The following CSMD3 variants were observed in gnomAD, a reference collection of about 807,000 sequenced individuals.
The protein encoded by CSMD3 is CUB and sushi domain-containing protein 3.
A neutral mutation model predicts 435.2 loss-of-function variants in CSMD3; 177 were observed. The observed-to-expected ratio is 0.41, with a 90% CI of 0.36 to 0.46. The LOEUF (loss-of-function observed/expected upper bound fraction) is 0.46, where lower values mean the gene tolerates loss of function less well. Among genes scored for constraint, CSMD3 ranks in the 20% least tolerant of loss-of-function variants. The probability of loss-of-function intolerance (pLI) is 0.34; values close to 1 mark genes in which losing one functional copy is unlikely to be tolerated. For missense variants in CSMD3, 4,265 were observed against 4,504.6 expected, an observed-to-expected ratio of 0.95 and a Z score of 1.52; for synonymous variants, 1,656 against 1,520.5, an observed-to-expected ratio of 1.09 and a Z score of -2.07.
chr8:112,500,777 T>A (rs1468896334), intron 30 of CSMD3, among the ~76,000 whole-genome samples: 2 of 152,108 alleles, frequency 1.3e-5, no homozygotes, highest in African/African-American at 2.4e-5. Flanking sequence ...GTTGTGCCCA[T>A]AGGAAAAGGC....
At chr8:112,616,077 G>A (rs543504770) in intron 22 of CSMD3, among the ~76,000 whole-genome samples, 2 of 152,142 alleles carry the variant, frequency 1.3e-5, no homozygotes, top group South Asian at 2.1e-4. Context: ...AAAGTGACTC[G>A]AGTCAGAATA....
intron 10 of CSMD3, among the ~76,000 whole-genome samples, chr8:112,884,219 C>G (rs148221508): frequency 6.6e-6 from 1 of 151,818 alleles, no homozygotes; most frequent in African/African-American, 2.4e-5. Context: ...AGACCTTATT[C>G]TCAGAGCAAA....
intron 22 of CSMD3, among the ~76,000 whole-genome samples, chr8:112,593,939 T>C (rs1471896759): frequency 3.3e-5 from 5 of 152,076 alleles, no homozygotes; most frequent in Admixed American, 2.0e-4. Flanking sequence ...TTTTGTTTTG[T>C]TTTTTGGTTA....
At chr8:112,549,979 T>G (rs1034056434) in intron 27 of CSMD3, among the ~76,000 whole-genome samples, 2 of 152,064 alleles carry the variant, frequency 1.3e-5, no homozygotes, top group African/African-American at 4.8e-5. Context: ...CTCAAAGAGA[T>G]AATGTGCATT....
chr8:113,208,286 G>C (rs960937028), intron 3 of CSMD3, among the ~76,000 whole-genome samples: 1 of 152,088 alleles, frequency 6.6e-6, no homozygotes, highest in African/African-American at 2.4e-5. Flanking sequence ...CGGGACCAGA[G>C]AATCAGACTT....
intron 7 of CSMD3, among the ~76,000 whole-genome samples, chr8:112,963,470 T>G (rs2084308529): frequency 6.6e-6 from 1 of 152,000 alleles, no homozygotes; most frequent in Admixed American, 6.6e-5. Flanking sequence ...TCTTAATTTT[T>G]TTATGACCAC....
At chr8:113,014,207 C>T (rs1223855183) in intron 6 of CSMD3, among the ~76,000 whole-genome samples, 1 of 152,100 alleles carries the variant, frequency 6.6e-6, no homozygotes, top group Non-Finnish European at 1.5e-5. Context: ...GTTACAGCAA[C>T]AATCAGAAGT....
intron 35 of CSMD3, among the ~76,000 whole-genome samples, chr8:112,399,282 A>G (rs1253409477): frequency 7.0e-6 from 1 of 143,820 alleles, no homozygotes; most frequent in Non-Finnish European, 1.5e-5. Flanking sequence ...TTTTTTTTAG[A>G]CAGAGTCTTG....
At chr8:112,519,235 C>G (rs747820690) in intron 27 of CSMD3, among the ~76,000 whole-genome samples, 5 of 152,106 alleles carry the variant, frequency 3.3e-5, no homozygotes, top group Non-Finnish European at 7.4e-5. Flanking sequence ...CCATTCATGC[C>G]TCCTTTTCCT....
chr8:112,705,730 T>C (rs1004530584), intron 13 of CSMD3, among the ~76,000 whole-genome samples: 1 of 152,078 alleles, frequency 6.6e-6, no homozygotes, highest in Non-Finnish European at 1.5e-5. Context: ...TTTAAAATTC[T>C]CTGGCACACA....
chr8:112,254,482 C>A (rs367854606), intron 62 of CSMD3, among the ~76,000 whole-genome samples, 156 bp from the exon 63 acceptor site: 1 of 151,900 alleles, frequency 6.6e-6, no homozygotes, highest in Non-Finnish European at 1.5e-5. Flanking sequence ...TGGACAGAAG[C>A]CTGTTAATCT....
At chr8:112,521,624 C>G (rs1244009224) in intron 27 of CSMD3, among the ~76,000 whole-genome samples, 2 of 151,742 alleles carry the variant, frequency 1.3e-5, no homozygotes, top group African/African-American at 2.4e-5. Flanking sequence ...CACTAAATAA[C>G]TTCATAAGTT....
At chr8:113,187,252 G>A (rs778053874) in intron 3 of CSMD3, among the ~76,000 whole-genome samples, 3 of 150,668 alleles carry the variant, frequency 2.0e-5, no homozygotes, top group African/African-American at 2.4e-5. Context: ...CATGTGATGC[G>A]AATCCAGTTT....
At chr8:113,396,504 C>T (rs1258670817) in intron 1 of CSMD3, among the ~76,000 whole-genome samples, 1 of 152,120 alleles carries the variant, frequency 6.6e-6, no homozygotes, top group Non-Finnish European at 1.5e-5. Context: ...TGTTAACTTA[C>T]ATTCCATTTA....
chr8:113,124,562 T>G (rs2091074571), intron 4 of CSMD3, among the ~76,000 whole-genome samples: 1 of 151,982 alleles, frequency 6.6e-6, no homozygotes, highest in Non-Finnish European at 1.5e-5. Context: ...TGCCAAGAAT[T>G]TCTTATTTCT....
intron 4 of CSMD3, among the ~76,000 whole-genome samples, chr8:113,107,640 GA>G (rs1049980970): frequency 2.0e-5 from 3 of 152,146 alleles, no homozygotes; most frequent in South Asian, 2.1e-4. Flanking sequence ...TGTATTTATT[GA>G]AAAACAAAAC....
At chr8:112,652,747 A>T (rs1041154967) in intron 18 of CSMD3, among the ~76,000 whole-genome samples, 1 of 152,234 alleles carries the variant, frequency 6.6e-6, no homozygotes, top group Non-Finnish European at 1.5e-5. Context: ...TGAGGAACTG[A>T]TATCAGTATT....
At chr8:112,383,918 T>C (rs1829707920) in intron 36 of CSMD3, among the ~76,000 whole-genome samples, 1 of 152,174 alleles carries the variant, frequency 6.6e-6, no homozygotes, top group Non-Finnish European at 1.5e-5. Context: ...TCTGTCACTA[T>C]CTCAGAACAT....
At chr8:113,218,347 T>C (rs1031012066) in intron 3 of CSMD3, among the ~76,000 whole-genome samples, 6 of 151,000 alleles carry the variant, frequency 4.0e-5, no homozygotes, top group Admixed American at 1.3e-4. Context: ...TATTTCATCC[T>C]GTACTATTGT....
Sources: allele counts gnomAD v4.1 joint callset (sites outside exome capture counted in the v4.1 genomes callset), GRCh38; gene constraint gnomAD v4.1.1; transcripts MANE v1.5; gene names NCBI Gene and HGNC (gene_info 2026-07-23, HGNC 2026-07-21).